CC2D2B: variants seen among roughly 807,000 people sequenced by gnomAD.
The protein encoded by CC2D2B is coiled-coil and C2 domain containing 2B, also known as protein CC2D2B.
CC2D2B carries 128 observed loss-of-function variants against 161.2 expected under a neutral mutation model. That is an observed-to-expected ratio of 0.79 (90% CI 0.69 to 0.92). The LOEUF is 0.92. Among genes scored for constraint, CC2D2B ranks in the 40% least tolerant of loss-of-function variants. The pLI is 0.00. For synonymous variants in CC2D2B, 391 were observed against 449.8 expected (o/e 0.87, Z 1.65); for missense variants, 1,173 against 1,375.1 (o/e 0.85, Z 2.32).
chr10:95,912,749 A>G (rs977913509), intron 2 of CC2D2B, among the ~76,000 whole-genome samples: 1 of 152,192 alleles, frequency 6.6e-6, no homozygotes, highest in African/African-American at 2.4e-5. Context: ...CATGAACACT[A>G]AGAACTAACT....
At chr10:95,965,456 A>G (rs1412799857) in intron 12 of CC2D2B, among the ~76,000 whole-genome samples, 6 of 152,066 alleles carry the variant, frequency 3.9e-5, no homozygotes, top group Non-Finnish European at 8.8e-5. Context: ...TTATGCATAA[A>G]CACCAACTAT....
chr10:96,017,222 A>G (rs796159037), intron 30 of CC2D2B, among the ~76,000 whole-genome samples: 23 of 152,184 alleles, frequency 1.5e-4, no homozygotes, highest in African/African-American at 4.8e-4. Context: ...TAGCCCTACC[A>G]TGAGTATCTT....
At chr10:95,952,789 G>T (rs1447209131) in intron 10 of CC2D2B, among the ~76,000 whole-genome samples, 1 of 151,868 alleles carries the variant, frequency 6.6e-6, no homozygotes, top group Non-Finnish European at 1.5e-5. Context: ...CCATTCAATG[G>T]CACTTAGGTC....
Position 95,968,855 on chromosome 10 carries a change from T to A in CC2D2B, c.1598T>A (p.Ile533Asn). 1 of 1,229,396 alleles carries A rather than the reference T, an allele frequency of 8.1e-7. No homozygotes were observed. The highest frequency in any genetic ancestry group is 1.0e-6 in the Non-Finnish European group (1 of 985,640). 76.2% of individuals were successfully genotyped at this position (1,229,396 alleles called of 1,614,324 possible). ...GATTTTAAAGTCATGTTTCAGCAAA[T>A]TTTCAATATTCAGTTAATGTATTGG... ...QFDFKVMFQQ[I>N]FNIQLMYWPE... Residue 533 changes from isoleucine to asparagine, a missense_variant, in exon 15 of 35, where the codon ATT (isoleucine) becomes AAT (asparagine). By Grantham distance (149) the Ile-to-Asn change is moderately radical (BLOSUM62 -3). Transcript: ENST00000646931.
intron 24 of CC2D2B, among the ~76,000 whole-genome samples, chr10:95,999,543 ATC>A (rs2078377526): frequency 6.6e-6 from 1 of 152,108 alleles, no homozygotes; most frequent in Admixed American, 6.5e-5. Context: ...CATAAATAAT[ATC>A]TGACTGTTTT....
chr10:95,931,322 C>A (rs910201454), intron 6 of CC2D2B, among the ~76,000 whole-genome samples: 2 of 152,024 alleles, frequency 1.3e-5, no homozygotes, highest in African/African-American at 4.8e-5. Context: ...TTAATCTTTT[C>A]AAAAAACCAG....
chr10:95,961,971 T>G lies in CC2D2B; in HGVS notation c.1250+2T>G. 8.1e-7 allele frequency: 1 copy of G among 1,231,568 alleles called. No homozygotes were observed. Among genetic ancestry groups the G allele is most frequent in the Non-Finnish European group, 1.0e-6 (1 of 987,578 alleles). The allele number at this position is 1,231,568 out of a possible 1,614,324, so 76.3% of individuals were successfully genotyped here. A position where few individuals can be genotyped will look rare whatever the true frequency, so the allele number is the denominator to read the frequency against. On this transcript the variant is annotated splice_donor_variant, in intron 12 of 34. Coordinates refer to ENST00000646931, the MANE Select transcript of CC2D2B (RefSeq NM_001349008.3). LOFTEE classifies it high-confidence loss of function. ...CCCAATAAAGTTACAGGTTCAGAGG[T>G]AAGTGGCTGCTCTATTTGCTCTTAT...
intron 1 of CC2D2B, among the ~76,000 whole-genome samples, chr10:95,909,947 G>C (rs1330800382): frequency 6.6e-6 from 1 of 152,184 alleles, no homozygotes; most frequent in African/African-American, 2.4e-5. Context: ...AAGAGTTTGA[G>C]ACCAGCCTGA....
At chr10:96,011,014 C>T (rs2078965384) in intron 26 of CC2D2B, among the ~76,000 whole-genome samples, 1 of 152,164 alleles carries the variant, frequency 6.6e-6, no homozygotes, top group Non-Finnish European at 1.5e-5. Context: ...CACCACTGTA[C>T]AGTGTCATAG....
intron 29 of CC2D2B, 63 bp downstream of exon 29, chr10:96,013,940 TA>T: frequency 1.3e-6 from 1 of 758,570 alleles, no homozygotes; most frequent in South Asian, 3.5e-5. Context: ...GGAAACCTTT[TA>T]AAAATATTAT....
At chr10:95,998,123 GC>G (rs1051512747) in intron 24 of CC2D2B, among the ~76,000 whole-genome samples, 12 of 151,174 alleles carry the variant, frequency 7.9e-5, no homozygotes, top group African/African-American at 2.9e-4. Flanking sequence ...TATTTTTAGA[GC>G]AATTTTAGGC....
chr10:95,982,037 A>C lies in CC2D2B; in HGVS notation c.2006A>C (p.Lys669Thr), dbSNP rs1344146762. The C allele has an allele frequency of 8.1e-7, 1 of 1,230,760 alleles. No homozygotes were observed. Among genetic ancestry groups the C allele is most frequent in the Admixed American group, 4.2e-5 (1 of 23,700 alleles). 76.2% of individuals were successfully genotyped at this position (1,230,760 alleles called of 1,614,324 possible). A position where few individuals can be genotyped will look rare whatever the true frequency, so the allele number is the denominator to read the frequency against. The change falls in exon 18 of 35, where the codon AAG (lysine) becomes ACG (threonine). Residue 669 changes from lysine (K) to threonine (T), a missense_variant. Lys to Thr is a moderately conservative substitution (Grantham distance 78). Transcript: ENST00000646931. ...ATTCCATGGCTCATGAATGAACAGAAGCTTTTTGAATGGGCAAATGAAGTC... is the reference window on the plus strand; with the variant it reads ...ATTCCATGGCTCATGAATGAACAGACGCTTTTTGAATGGGCAAATGAAGTC... ...PGIPWLMNEQ[K>T]LFEWANEVRI...
chr10:95,965,782 G>GTT (rs1564624336), intron 12 of CC2D2B, 114 bp from the exon 13 acceptor site: 4 of 346,130 alleles, frequency 1.2e-5, no homozygotes, highest in South Asian at 1.7e-4. Context: ...TAAGAGATTG[G>GTT]TTTTGTGTGT....
Position 95,947,099 on chromosome 10 carries a change from ATATATATATATATATT to A in CC2D2B, c.802-2795_802-2780del, listed in dbSNP as rs1418102554. Reference sequence around the variant, plus strand: ...GACTCAAAAATATATATATATATATATATATATATATATATTTTTTTTTTTTTTTTTGAGACAAAGT... The same window carrying A: ...GACTCAAAAATATATATATATATATATTTTTTTTTTTTTTTGAGACAAAGT... On this transcript the variant is annotated intron_variant, in intron 9 of 34. Coordinates refer to ENST00000646931, the MANE Select transcript of CC2D2B (RefSeq NM_001349008.3). 1.2e-4 allele frequency among the ~76,000 whole-genome samples: 4 copies of A among 34,378 alleles called. 1 individual carries two copies. Among genetic ancestry groups the A allele is most frequent in the Non-Finnish European group, 1.9e-4 (4 of 21,150 alleles). The allele number at this position is 34,378 out of a possible 152,430, so 22.6% of individuals were successfully genotyped here.
At position 96,032,139 on chromosome 10, in the gene CC2D2B, T is replaced by TA. The variant is rs1420291490; in HGVS notation, c.*132dup. 1 of 667,662 alleles carries TA rather than the reference T, an allele frequency of 1.5e-6. No individual in the cohort carries two copies. Among genetic ancestry groups the TA allele is most frequent in the African/African-American group, 1.8e-5 (1 of 55,096 alleles). The allele number at this position is 667,662 out of a possible 1,614,324, so 41.4% of individuals were successfully genotyped here. ...TGCTGGGCCCAATTTTTGATTCACT[T>TA]ACAGAGCTGGGCACTATGGAGACTC... On this transcript the variant is annotated 3_prime_UTR_variant, in exon 35 of 35. Coordinates refer to ENST00000646931, the MANE Select transcript of CC2D2B (RefSeq NM_001349008.3).
Position 96,026,262 on chromosome 10 carries a change from G to A in CC2D2B, c.3948-950G>A, listed in dbSNP as rs534739903. On this transcript the variant is annotated intron_variant, in intron 33 of 34. Coordinates refer to ENST00000646931, the MANE Select transcript of CC2D2B (RefSeq NM_001349008.3). ...CTGCACAGAGAGGCTTTTCAGGAGA[G>A]CCCCATCAACCAACCCACACTGTGT... Among the ~76,000 whole-genome samples, 6 of 152,238 alleles carry A rather than the reference G, an allele frequency of 3.9e-5. No individual in the cohort carries two copies. The East Asian group carries it at 5.8e-4, about 15-fold the overall frequency.
At chr10:95,919,286 A>G (rs950161706) in intron 2 of CC2D2B, 1 of 152,176 alleles carries the variant, frequency 6.6e-6, no homozygotes, top group Non-Finnish European at 1.5e-5. Context: ...AAGTATTCAA[A>G]GATAATTTTG....
intron 26 of CC2D2B, among the ~76,000 whole-genome samples, chr10:96,011,012 T>C (rs971899043): frequency 2.6e-5 from 4 of 152,208 alleles, no homozygotes; most frequent in African/African-American, 9.6e-5. Context: ...GTCACCACTG[T>C]ACAGTGTCAT....
chr10:96,027,123 C>CAAA, intron 33 of CC2D2B, 89 bp from the exon 34 acceptor site: 43 of 780,210 alleles, frequency 5.5e-5, no homozygotes, highest in Non-Finnish European at 6.3e-5. Flanking sequence ...GACTTCGTCT[C>CAAA]AAAAAAAAAA....
Sources: gnomAD v4.1 joint callset for allele counts (sites outside exome capture counted in the v4.1 genomes callset) on GRCh38, gnomAD v4.1.1 for gene constraint, MANE v1.5 for transcripts, NCBI Gene and HGNC (gene_info 2026-07-23, HGNC 2026-07-21) for gene names.